The following LAMA3 variants were observed in gnomAD, a reference collection of about 807,000 sequenced individuals.
LAMA3 encodes laminin subunit alpha 3.
A neutral mutation model predicts 402.0 loss-of-function variants in LAMA3; 281 were observed. The ratio of observed to expected loss-of-function variants is 0.70; its 90% confidence interval spans 0.63 to 0.77. LAMA3 has a LOEUF of 0.77. Ranked by LOEUF, LAMA3 falls within the 30% of genes least tolerant of loss-of-function variation. The pLI, the probability that LAMA3 is intolerant of heterozygous loss-of-function variation, is 0.00. For missense variants in LAMA3, 3,840 were observed against 4,215.5 expected, an observed-to-expected ratio of 0.91 and a Z score of 2.47; for synonymous variants, 1,431 against 1,558.4, an observed-to-expected ratio of 0.92 and a Z score of 1.93.
chr18:23,727,925 G>T (rs889049667), intron 2 of LAMA3, among the ~76,000 whole-genome samples: 2 of 151,624 alleles, frequency 1.3e-5, no homozygotes, highest in Non-Finnish European at 2.9e-5. Context: ...GTAGAGATAG[G>T]GTCTCACTAT....
intron 29 of LAMA3, 100 bp downstream of exon 29, chr18:23,842,850 G>A: frequency 6.9e-7 from 1 of 1,452,440 alleles, no homozygotes; most frequent in Non-Finnish European, 9.7e-7. Flanking sequence ...CCAAGGAATT[G>A]AAGTCATATT....
At chr18:23,767,128 T>TA (rs2062092134) in intron 8 of LAMA3, among the ~76,000 whole-genome samples, 1 of 151,412 alleles carries the variant, frequency 6.6e-6, no homozygotes, top group Admixed American at 6.6e-5. Context: ...AAACAAACAA[T>TA]AAAAAAAGCC....
chr18:23,952,965 G>C, intron 73 of LAMA3, 25 bp from the exon 74 acceptor site: 2 of 1,613,664 alleles, frequency 1.2e-6, no homozygotes, highest in Non-Finnish European at 1.7e-6. Flanking sequence ...TCCGATGATA[G>C]ACCTAACCAG....
At chr18:23,792,421 G>A (rs2062676969) in intron 12 of LAMA3, among the ~76,000 whole-genome samples, 1 of 152,264 alleles carries the variant, frequency 6.6e-6, no homozygotes, top group African/African-American at 2.4e-5. Flanking sequence ...GCAAGAGAGA[G>A]AGTCCAGGAA....
intron 32 of LAMA3, among the ~76,000 whole-genome samples, chr18:23,848,268 G>T (rs893257206): frequency 1.3e-5 from 2 of 152,226 alleles, no homozygotes; most frequent in South Asian, 4.2e-4. Context: ...TCAGAGGATC[G>T]CTGAGCAGTC....
intron 9 of LAMA3, 123 bp from the exon 10 acceptor site, chr18:23,775,669 C>T (rs2062300580): frequency 1.8e-6 from 2 of 1,088,872 alleles, no homozygotes; most frequent in Non-Finnish European, 2.7e-6. Context: ...TAGGCTGTGC[C>T]CTTTCAAGAA....
chr18:23,949,486 C>T (rs1419134714), intron 70 of LAMA3, among the ~76,000 whole-genome samples: 1 of 152,144 alleles, frequency 6.6e-6, no homozygotes, highest in Non-Finnish European at 1.5e-5. Flanking sequence ...CCTGCACTAG[C>T]CCGCCCTCCT....
chr18:23,814,821 T>A (rs1052605304), intron 15 of LAMA3, among the ~76,000 whole-genome samples: 1 of 152,238 alleles, frequency 6.6e-6, no homozygotes, highest in African/African-American at 2.4e-5. Flanking sequence ...TCAGAGCCAG[T>A]ATAAGGACTT....
chr18:23,748,828 C>T lies in LAMA3; in HGVS notation c.566-600C>T, dbSNP rs182334332. Among the ~76,000 whole-genome samples, 109 of 150,864 alleles carry T rather than the reference C, an allele frequency of 7.2e-4. 2 individuals carry two copies. The highest frequency in any genetic ancestry group is 6.9e-3 in the Middle Eastern group (2 of 288). ...AAAAAAAAAGAATATCCCCATTTTT[C>T]AAGCATGTGTTCAATAATTTCAAGG... On this transcript the variant is annotated intron_variant, in intron 3 of 74. Coordinates refer to ENST00000313654, the MANE Select transcript of LAMA3 (RefSeq NM_198129.4).
chr18:23,861,211 A>AC (rs1374721815), intron 34 of LAMA3, among the ~76,000 whole-genome samples: 1 of 151,846 alleles, frequency 6.6e-6, no homozygotes, highest in Non-Finnish European at 1.5e-5. Flanking sequence ...TTCCTTTGTG[A>AC]CCAGGAAAAG....
Position 23,839,912 on chromosome 18 carries a change from A to C in LAMA3, c.3319A>C (p.Thr1107Pro), listed in dbSNP as rs760112572. ...TTCTGTTGATGTTCTTCCTGGGGTC[A>C]CCTTGAAGGCACCGCAGGTAGTGTG... Reference protein sequence around the residue: ...SPSVDVLPGVTLKAPQNQVTL... With the variant: ...SPSVDVLPGVPLKAPQNQVTL... Residue 1107 changes from threonine (T) to proline (P), a missense_variant, in exon 27 of 75, where the codon ACC becomes CCC. Coordinates refer to ENST00000313654, the MANE Select transcript of LAMA3 (RefSeq NM_198129.4). The surrounding 1 kb of genome is among the most constrained non-coding windows in gnomAD (Gnocchi z 4.5). The C allele has an allele frequency of 6.2e-7, 1 of 1,614,116 alleles. No homozygotes were observed. The highest frequency in any genetic ancestry group is 8.5e-7 in the Non-Finnish European group (1 of 1,180,018).
chr18:23,689,473 C>G lies in LAMA3; in HGVS notation c.-211C>G. The G allele has an allele frequency of 2.6e-6, 1 of 390,310 alleles. No homozygotes were observed. The highest frequency in any genetic ancestry group is 4.4e-6 in the Non-Finnish European group (1 of 227,980). 24.2% of individuals were successfully genotyped at this position (390,310 alleles called of 1,614,324 possible). A position where few individuals can be genotyped will look rare whatever the true frequency, so the allele number is the denominator to read the frequency against. On this transcript the variant is annotated 5_prime_UTR_variant, in exon 1 of 75. Transcript: ENST00000313654. Reference sequence around the variant, plus strand: ...CTGTCAGTTCCTGATCCGGCTGGTGCCCGCTCCAGCCGCGGCAGGTTCCAG... The same window carrying G: ...CTGTCAGTTCCTGATCCGGCTGGTGGCCGCTCCAGCCGCGGCAGGTTCCAG...
chr18:23,802,757 C>T (rs963770045), intron 12 of LAMA3, among the ~76,000 whole-genome samples: 4 of 152,130 alleles, frequency 2.6e-5, no homozygotes, highest in Admixed American at 6.6e-5. Flanking sequence ...TGAGTGATGC[C>T]ACTCCCATTT....
chr18:23,894,553 G>C (rs1448968982), intron 43 of LAMA3, among the ~76,000 whole-genome samples: 1 of 152,158 alleles, frequency 6.6e-6, no homozygotes. Context: ...TTCATCATTT[G>C]CTAAGTTAAC....
At chr18:23,882,762 A>G (rs1193035616) in intron 40 of LAMA3, among the ~76,000 whole-genome samples, 1 of 152,054 alleles carries the variant, frequency 6.6e-6, no homozygotes, top group South Asian at 2.1e-4. Flanking sequence ...AGCCCTATCT[A>G]TGTGATGAGG....
chr18:23,901,022 A>C, intron 47 of LAMA3, 105 bp from the exon 48 acceptor site: 1 of 1,041,546 alleles, frequency 9.6e-7, no homozygotes, highest in South Asian at 1.4e-5. Flanking sequence ...AAGTTCAAGG[A>C]AAACCATGAA....
chr18:23,909,384 T>C, intron 55 of LAMA3, 89 bp downstream of exon 55: 9 of 1,236,926 alleles, frequency 7.3e-6, no homozygotes, highest in South Asian at 7.3e-5. Context: ...ACTTATTTAC[T>C]CAAGAATTGG....
At chr18:23,809,747 T>C (rs2063031013) in intron 12 of LAMA3, among the ~76,000 whole-genome samples, 2 of 152,184 alleles carry the variant, frequency 1.3e-5, no homozygotes, top group African/African-American at 4.8e-5. Flanking sequence ...TCCCATCCTT[T>C]TCAATGTTGC....
At chr18:23,913,168 G>A (rs1306932380) in intron 56 of LAMA3, among the ~76,000 whole-genome samples, 1 of 152,172 alleles carries the variant, frequency 6.6e-6, no homozygotes, top group African/African-American at 2.4e-5. Flanking sequence ...ATGCACTTGG[G>A]GAGGATGATT....
Sources: allele counts gnomAD v4.1 joint callset (sites outside exome capture counted in the v4.1 genomes callset), GRCh38; gene constraint gnomAD v4.1.1; non-coding constraint Gnocchi (gnomAD v3.1); transcripts MANE v1.5; gene names NCBI Gene and HGNC (gene_info 2026-07-23, HGNC 2026-07-21).